The following SNTG1 variants were observed in gnomAD, a reference collection of about 807,000 sequenced individuals.
SNTG1 encodes the protein gamma-1-syntrophin.
A neutral mutation model predicts 74.7 loss-of-function variants in SNTG1; 39 were observed. The ratio of observed to expected loss-of-function variants is 0.52; its 90% CI spans 0.40 to 0.68. SNTG1 has a LOEUF of 0.68. Among genes scored for constraint, SNTG1 ranks in the 30% least tolerant of loss-of-function variants. The probability of loss-of-function intolerance (pLI) is 0.00; values close to 1 mark genes in which losing one functional copy is unlikely to be tolerated. For missense variants in SNTG1, 685 were observed against 609.5 expected (o/e 1.12, Z -1.30); for synonymous variants, 254 against 217.1 (o/e 1.17, Z -1.49).
At chr8:49,982,736 A>T (rs1812799182) in intron 1 of SNTG1, among the ~76,000 whole-genome samples, 1 of 151,988 alleles carries the variant, frequency 6.6e-6, no homozygotes, top group Admixed American at 6.6e-5. Context: ...AGATGGCTTA[A>T]CCTAGTATAG....
intron 2 of SNTG1, among the ~76,000 whole-genome samples, chr8:50,210,994 C>T (rs983117183): frequency 1.3e-5 from 2 of 152,082 alleles, no homozygotes; most frequent in Non-Finnish European, 2.9e-5. Context: ...GTAATTTATG[C>T]ATTGGTAATG....
chr8:50,362,348 G>A (rs2091982614), intron 2 of SNTG1, among the ~76,000 whole-genome samples: 1 of 152,148 alleles, frequency 6.6e-6, no homozygotes, highest in Non-Finnish European at 1.5e-5. Context: ...GTGAAATTAT[G>A]TTCAATAAAC....
intron 1 of SNTG1, among the ~76,000 whole-genome samples, chr8:49,937,409 C>G: frequency 6.6e-6 from 1 of 152,166 alleles, no homozygotes. Context: ...TGGTTTCGAA[C>G]TATACACTTT....
intron 12 of SNTG1, among the ~76,000 whole-genome samples, chr8:50,579,370 T>A (rs145054640): frequency 6.6e-6 from 1 of 152,260 alleles, no homozygotes; most frequent in Non-Finnish European, 1.5e-5. Flanking sequence ...GACAATGCAA[T>A]GGAAAAGAGA....
At chr8:50,447,052 T>TTG (rs2093414377) in intron 5 of SNTG1, among the ~76,000 whole-genome samples, 3 of 152,292 alleles carry the variant, frequency 2.0e-5, no homozygotes, top group South Asian at 2.1e-4. Flanking sequence ...TCACAAAATG[T>TTG]TGTATTGTAC....
chr8:50,148,952 T>G (rs1231391685), intron 1 of SNTG1, among the ~76,000 whole-genome samples: 1 of 152,222 alleles, frequency 6.6e-6, no homozygotes, highest in Non-Finnish European at 1.5e-5. Context: ...TTTCTAGTTC[T>G]AGATCCCTGA....
At chr8:50,315,496 G>C (rs1189644233) in intron 2 of SNTG1, among the ~76,000 whole-genome samples, 1 of 149,704 alleles carries the variant, frequency 6.7e-6, no homozygotes, top group Non-Finnish European at 1.5e-5. Context: ...TTTAAGAGTA[G>C]ATAAAAAATA....
intron 2 of SNTG1, among the ~76,000 whole-genome samples, chr8:50,346,605 G>A (rs1319496173): frequency 1.3e-5 from 2 of 152,252 alleles, no homozygotes; most frequent in Non-Finnish European, 2.9e-5. Context: ...CATGTGAAAA[G>A]CTGAAATAAG....
chr8:50,372,290 T>C (rs2092287844), intron 2 of SNTG1, among the ~76,000 whole-genome samples: 1 of 151,960 alleles, frequency 6.6e-6, no homozygotes, highest in African/African-American at 2.4e-5. Flanking sequence ...ATAGTTATTT[T>C]TTTTCGGGTT....
Position 50,266,653 on chromosome 8 carries a change from T to TGA in SNTG1, c.-28+94019_-28+94020insAG, listed in dbSNP as rs1341810938. ...AGTGAAAGACACAGAATTATGTGTGTGTGTGTGTGTGTGTGTGTGTGTGTG... is the reference window on the plus strand; with the variant it reads ...AGTGAAAGACACAGAATTATGTGTGTGAGTGTGTGTGTGTGTGTGTGTGTGTG... On this transcript the variant is annotated intron_variant, in intron 2 of 18. Coordinates refer to ENST00000642720, the MANE Select transcript of SNTG1 (RefSeq NM_018967.5). Among the ~76,000 whole-genome samples the TGA allele has an allele frequency of 1.5e-3, 157 of 103,438 alleles. 4 individuals carry two copies. The South Asian group carries it at 0.061, about 40-fold the overall frequency. The allele number at this position is 103,438 out of a possible 152,430, so 67.9% of individuals were successfully genotyped here.
intron 15 of SNTG1, among the ~76,000 whole-genome samples, chr8:50,673,819 C>A (rs1346177060): frequency 6.6e-6 from 1 of 151,682 alleles, no homozygotes; most frequent in Non-Finnish European, 1.5e-5. Flanking sequence ...GGGTTTGTCA[C>A]AAATAGCTCT....
chr8:50,757,564 T>TA (rs150399906), intron 18 of SNTG1, among the ~76,000 whole-genome samples: 1 of 152,010 alleles, frequency 6.6e-6, no homozygotes, highest in African/African-American at 2.4e-5. Context: ...TATATGCCTT[T>TA]AACATTGAAA....
intron 1 of SNTG1, among the ~76,000 whole-genome samples, chr8:50,170,517 C>T (rs113242579): frequency 0.018 from 2,664 of 152,106 alleles, 29 homozygotes; most frequent in Non-Finnish European, 0.026. Context: ...TGTGGGGATA[C>T]AGTAATAATA....
chr8:50,270,855 G>T (rs1480513851), intron 2 of SNTG1, among the ~76,000 whole-genome samples: 1 of 152,156 alleles, frequency 6.6e-6, no homozygotes, highest in Non-Finnish European at 1.5e-5. Context: ...TTTCAATAAA[G>T]AATCAGGAAA....
Position 50,067,724 on chromosome 8 carries a change from G to A in SNTG1, c.-102-104837G>A, listed in dbSNP as rs150840061. ...TCCACACCCTGATTTTGGTTGCCTTGGCTGATGTCTTCAGCATGAGCTCTT... is the reference window on the plus strand; with the variant it reads ...TCCACACCCTGATTTTGGTTGCCTTAGCTGATGTCTTCAGCATGAGCTCTT... On this transcript the variant is annotated intron_variant, in intron 1 of 18. Transcript: ENST00000642720. Among the ~76,000 whole-genome samples the A allele has an allele frequency of 9.3e-4, 141 of 152,160 alleles. 1 individual carries two copies. The highest frequency in any genetic ancestry group is 2.0e-3 in the Admixed American group (30 of 15,296).
chr8:50,149,481 A>G (rs1295238569), intron 1 of SNTG1, among the ~76,000 whole-genome samples: 1 of 152,124 alleles, frequency 6.6e-6, no homozygotes, highest in Admixed American at 6.6e-5. Context: ...CTATGTCCTG[A>G]ATAGTATTGG....
intron 18 of SNTG1, among the ~76,000 whole-genome samples, chr8:50,777,349 T>A (rs902005041): frequency 1.3e-5 from 2 of 150,278 alleles, no homozygotes; most frequent in African/African-American, 4.8e-5. Flanking sequence ...ATTCTCACAA[T>A]TCTTTTATCC....
rs533184436 is a variant in SNTG1, at chr8:50,372,764, G to A, written c.-27-21448G>A. 2.5e-3 allele frequency among the ~76,000 whole-genome samples: 384 copies of A among 152,092 alleles called. 2 individuals are homozygous for A. The highest frequency in any genetic ancestry group is 8.8e-3 in the African/African-American group (367 of 41,486). ...GGATTTCAATAATGAAACTCAGTAC[G>A]CAGTGCAGTCTGAATAGTTGTTTGT... is the stretch of plus-strand genomic sequence containing the variant. On this transcript the variant is annotated intron_variant, in intron 2 of 18. Transcript: ENST00000642720.
At chr8:50,434,200 C>G (rs2093276165) in intron 4 of SNTG1, among the ~76,000 whole-genome samples, 1 of 152,140 alleles carries the variant, frequency 6.6e-6, no homozygotes, top group Non-Finnish European at 1.5e-5. Flanking sequence ...TTATCCATTT[C>G]CCTACAAAGG....
Sources: allele counts gnomAD v4.1 joint callset (sites outside exome capture counted in the v4.1 genomes callset), GRCh38; gene constraint gnomAD v4.1.1; transcripts MANE v1.5; gene names NCBI Gene and HGNC (gene_info 2026-07-23, HGNC 2026-07-21).